The following THSD7B variants were observed in gnomAD, a reference collection of about 807,000 sequenced individuals.
THSD7B encodes thrombospondin type 1 domain containing 7B, also known as thrombospondin type-1 domain-containing protein 7B.
A neutral mutation model predicts 213.6 loss-of-function variants in THSD7B; 138 were observed. The observed-to-expected ratio is 0.65, with a 90% CI of 0.56 to 0.74. THSD7B has a LOEUF of 0.74. Among genes scored for constraint, THSD7B ranks in the 30% least tolerant of loss-of-function variants. THSD7B has a pLI of 0.00. For synonymous variants in THSD7B, 742 were observed against 687.0 expected (o/e 1.08, Z -1.25); for missense variants, 1,931 against 1,991.5 (o/e 0.97, Z 0.58).
At chr2:137,306,591 C>T (rs574615511) in intron 12 of THSD7B, among the ~76,000 whole-genome samples, 46 of 152,024 alleles carry the variant, frequency 3.0e-4, no homozygotes, top group Non-Finnish European at 4.9e-4. Flanking sequence ...ACCTAATGGG[C>T]ATAATTTAAA....
intron 13 of THSD7B, among the ~76,000 whole-genome samples, chr2:137,406,636 T>G (rs183078637): frequency 1.8e-4 from 28 of 152,328 alleles, no homozygotes; most frequent in African/African-American, 5.5e-4. Flanking sequence ...AAGACCCTTT[T>G]GTCTGAATGC....
intron 14 of THSD7B, among the ~76,000 whole-genome samples, chr2:137,440,501 C>T (rs1258444231): frequency 6.6e-6 from 1 of 150,770 alleles, no homozygotes; most frequent in East Asian, 1.9e-4. Context: ...AAGTTTTGGC[C>T]TTGTTTCAGT....
intron 15 of THSD7B, among the ~76,000 whole-genome samples, chr2:137,496,182 A>C (rs1326755049): frequency 6.6e-6 from 1 of 152,126 alleles, no homozygotes; most frequent in Non-Finnish European, 1.5e-5. Flanking sequence ...AAAGCTACCA[A>C]AGACTTACAA....
Position 137,546,386 on chromosome 2 carries a change from TTATATATATTA to T in THSD7B, c.3139-16827_3139-16817del, listed in dbSNP as rs1680715999. Among the ~76,000 whole-genome samples the T allele has an allele frequency of 2.4e-4, 8 of 33,336 alleles. 1 individual carries two copies. The highest frequency in any genetic ancestry group is 1.1e-3 in the African/African-American group (6 of 5,360). 21.9% of individuals were successfully genotyped at this position (33,336 alleles called of 152,430 possible). On this transcript the variant is annotated intron_variant, in intron 15 of 27. Transcript: ENST00000409968. ...ATTATATATATATATAATATATATA[TTATATATATTA>T]TATATATTATATATATATTATATAT...
intron 15 of THSD7B, among the ~76,000 whole-genome samples, chr2:137,549,742 T>C (rs1354558650): frequency 2.0e-5 from 3 of 152,046 alleles, no homozygotes; most frequent in African/African-American, 7.2e-5. Context: ...GTCTATGAGT[T>C]TGACTATTTT....
intron 1 of THSD7B, among the ~76,000 whole-genome samples, chr2:136,843,065 G>C (rs1573664777): frequency 6.8e-6 from 1 of 148,144 alleles, no homozygotes; most frequent in Admixed American, 6.8e-5. Context: ...CAAAATAACT[G>C]TTCACTCGTA....
At chr2:137,516,057 A>T (rs559604395) in intron 15 of THSD7B, among the ~76,000 whole-genome samples, 1 of 152,332 alleles carries the variant, frequency 6.6e-6, no homozygotes, top group East Asian at 1.9e-4. Context: ...TTGGATCTCA[A>T]GTTGGCTAGG....
intron 12 of THSD7B, among the ~76,000 whole-genome samples, chr2:137,362,472 T>A (rs10427363): frequency 6.7e-6 from 1 of 148,592 alleles, no homozygotes; most frequent in Non-Finnish European, 1.5e-5. Flanking sequence ...CATCAGTGCG[T>A]TGTATTCAGG....
At chr2:137,261,888 A>G (rs995510370) in intron 10 of THSD7B, among the ~76,000 whole-genome samples, 1 of 149,824 alleles carries the variant, frequency 6.7e-6, no homozygotes, top group African/African-American at 2.5e-5. Flanking sequence ...TAGACCCATC[A>G]TGGAAAGGAC....
intron 15 of THSD7B, among the ~76,000 whole-genome samples, chr2:137,552,713 G>A (rs1680874196): frequency 6.6e-6 from 1 of 152,198 alleles, no homozygotes; most frequent in African/African-American, 2.4e-5. Context: ...TGAATGCATG[G>A]TTGATAAAAA....
At chr2:136,948,409 AC>A (rs750624389) in intron 2 of THSD7B, among the ~76,000 whole-genome samples, 56 of 149,288 alleles carry the variant, frequency 3.8e-4, no homozygotes, top group Non-Finnish European at 6.6e-4. Context: ...ACTGAATGAC[AC>A]CCCATCCCCC....
intron 12 of THSD7B, among the ~76,000 whole-genome samples, chr2:137,372,084 G>A (rs371768129): frequency 9.1e-4 from 139 of 152,068 alleles, no homozygotes; most frequent in African/African-American, 3.2e-3. Flanking sequence ...GGTCTGGCTG[G>A]ACTGTTCAGT....
chr2:136,819,174 C>T lies in THSD7B; in HGVS notation c.-36+53487C>T, dbSNP rs542917043. 2.6e-5 allele frequency among the ~76,000 whole-genome samples: 4 copies of T among 152,212 alleles called. No homozygotes were observed. The East Asian group carries it at 7.7e-4, about 29-fold the overall frequency. ...TATAATAGGCAAAAAAACAAAGAAG[C>T]CCATGGTCAAATGGTCATTTATCAG... On this transcript the variant is annotated intron_variant, in intron 1 of 27. Transcript: ENST00000409968.
intron 12 of THSD7B, among the ~76,000 whole-genome samples, chr2:137,374,333 T>A (rs1482390157): frequency 6.6e-6 from 1 of 152,212 alleles, no homozygotes; most frequent in Non-Finnish European, 1.5e-5. Context: ...CTATTTTCTT[T>A]GGTCTTTTTA....
intron 1 of THSD7B, among the ~76,000 whole-genome samples, chr2:136,833,348 A>G (rs1303872722): frequency 2.6e-5 from 3 of 114,784 alleles, no homozygotes; most frequent in African/African-American, 3.4e-5. Flanking sequence ...TCGGCGAAAG[A>G]GCGAGACTCC....
At chr2:137,238,488 T>A (rs1359941225) in intron 9 of THSD7B, among the ~76,000 whole-genome samples, 2 of 150,762 alleles carry the variant, frequency 1.3e-5, no homozygotes, top group Non-Finnish European at 2.9e-5. Flanking sequence ...CTTACCAGAG[T>A]AGCTTGTTTA....
intron 2 of THSD7B, among the ~76,000 whole-genome samples, chr2:136,908,705 C>T (rs1241899991): frequency 6.6e-6 from 1 of 152,150 alleles, no homozygotes; most frequent in African/African-American, 2.4e-5. Flanking sequence ...CCTTAGGTAA[C>T]TGGATTGAGT....
At chr2:137,575,725 C>CACACATATAT (rs59620213) in intron 17 of THSD7B, among the ~76,000 whole-genome samples, 10 of 110,856 alleles carry the variant, frequency 9.0e-5, no homozygotes, top group Non-Finnish European at 1.6e-4. Context: ...CCATAACACA[C>CACACATATAT]ATATATATAT....
chr2:137,276,590 A>G (rs1573928135), intron 12 of THSD7B, among the ~76,000 whole-genome samples: 1 of 152,076 alleles, frequency 6.6e-6, no homozygotes, highest in East Asian at 1.9e-4. Flanking sequence ...TTTTATCATC[A>G]ATGTCTAGAA....
Sources: gnomAD v4.1 joint callset for allele counts (sites outside exome capture counted in the v4.1 genomes callset) on GRCh38, gnomAD v4.1.1 for gene constraint, MANE v1.5 for transcripts, NCBI Gene and HGNC (gene_info 2026-07-23, HGNC 2026-07-21) for gene names.